RDH11: variants seen among roughly 807,000 people sequenced by gnomAD.
RDH11 encodes the protein retinol dehydrogenase 11.
RDH11 carries 19 observed loss-of-function variants against 33.4 expected under a neutral mutation model. The ratio of observed to expected loss-of-function variants is 0.57; its 90% CI spans 0.40 to 0.83. RDH11 has a LOEUF of 0.83. RDH11 is among the 40% of genes least tolerant of loss of function. RDH11 has a pLI of 0.00. For missense variants in RDH11, 353 were observed against 389.0 expected, an observed-to-expected ratio of 0.91 and a Z score of 0.78; for synonymous variants, 154 against 155.3, an observed-to-expected ratio of 0.99 and a Z score of 0.06.
intron 6 of RDH11, among the ~76,000 whole-genome samples, chr14:67,683,177 G>C (rs2037635460): frequency 6.6e-6 from 1 of 152,158 alleles, no homozygotes; most frequent in South Asian, 2.1e-4. Flanking sequence ...AATGAATTAA[G>C]AATCCATAGC....
At position 67,695,650 on chromosome 14, in the gene RDH11, A is replaced by G. The variant is rs1566832377; in HGVS notation, c.54T>C (p.Tyr18=). 6.2e-7 allele frequency: 1 copy of G among 1,614,196 alleles called. No homozygotes were observed. Among genetic ancestry groups the G allele is most frequent in the East Asian group, 2.2e-5 (1 of 44,880 alleles). ...CAGACCTGATTTGGGGCGCAGCCAT[A>G]TACAGAAGGAAGGGCAGAAGGAGGA... The part of the protein sequence containing the change: ...LLLLLLPFLL[Y]MAAPQIRKML... The change falls in exon 1 of 7, where the codon TAT becomes TAC. Residue 18 remains tyrosine (Y), a synonymous_variant. Coordinates refer to ENST00000381346, the MANE Select transcript of RDH11 (RefSeq NM_016026.4).
At chr14:67,680,619 T>A (rs1400031095) in intron 6 of RDH11, among the ~76,000 whole-genome samples, 1 of 152,092 alleles carries the variant, frequency 6.6e-6, no homozygotes, top group African/African-American at 2.4e-5. Flanking sequence ...CCACCACGCC[T>A]GGCTAATTTT....
intron 6 of RDH11, among the ~76,000 whole-genome samples, chr14:67,679,752 T>A (rs2037589598): frequency 1.3e-5 from 2 of 152,216 alleles, no homozygotes; most frequent in African/African-American, 4.8e-5. Flanking sequence ...GAAAATTTTC[T>A]TAAGGACAAT....
chr14:67,687,255 C>T (rs2037689284), intron 5 of RDH11, among the ~76,000 whole-genome samples: 1 of 152,142 alleles, frequency 6.6e-6, no homozygotes, highest in African/African-American at 2.4e-5. Flanking sequence ...TTAATTTTAA[C>T]CGTTTCCCAT....
At chr14:67,687,984 G>A (rs774157297) in intron 5 of RDH11, among the ~76,000 whole-genome samples, 3 of 151,884 alleles carry the variant, frequency 2.0e-5, no homozygotes, top group Non-Finnish European at 4.4e-5. Flanking sequence ...AGTTGGCCAG[G>A]ATGTTCTCGA....
intron 5 of RDH11, among the ~76,000 whole-genome samples, chr14:67,688,867 A>C (rs2037713580): frequency 5.3e-5 from 8 of 152,128 alleles, no homozygotes; most frequent in Admixed American, 5.2e-4. Context: ...AAGAGACTAT[A>C]CCTATCTTGT....
chr14:67,690,155 G>A, intron 5 of RDH11, 57 bp downstream of exon 5: 1 of 1,494,254 alleles, frequency 6.7e-7, no homozygotes, highest in South Asian at 1.1e-5. Context: ...CCATTCCTGT[G>A]GCTTTTACCT....
rs1433567339 is a variant in RDH11 at position 67,695,584 on chromosome 14, C to T, written c.74+46G>A. Reference sequence around the variant, plus strand: ...GTGGGGATTCTATGTTTCCCTCCCGCCCCGCAACAAGAATTCTCAAGAGAA... The same window carrying T: ...GTGGGGATTCTATGTTTCCCTCCCGTCCCGCAACAAGAATTCTCAAGAGAA... On this transcript the variant is annotated intron_variant, in intron 1 of 6. Transcript: ENST00000381346. 3.2e-6 allele frequency: 5 copies of T among 1,563,410 alleles called. 1 individual carries two copies. In the Admixed American group the frequency reaches 5.3e-5, roughly 16 times the overall value.
Position 67,682,173 on chromosome 14 carries a change from T to C in RDH11, c.854+2842A>G, listed in dbSNP as rs574678467. Among the ~76,000 whole-genome samples, 3 of 152,308 alleles carry C rather than the reference T, an allele frequency of 2.0e-5. No homozygotes were observed. The South Asian group carries it at 6.2e-4, about 32-fold the overall frequency. On this transcript the variant is annotated intron_variant, in intron 6 of 6. Coordinates refer to ENST00000381346, the MANE Select transcript of RDH11 (RefSeq NM_016026.4). ...TTCTGTTTAGTAACAGAAAACTGTC[T>C]TTACTAAAGACAGTAGTAAATCTTT...
intron 6 of RDH11, chr14:67,684,803 C>G (rs554785838): frequency 8.2e-4 from 327 of 397,404 alleles, no homozygotes; most frequent in Middle Eastern, 2.0e-3. Flanking sequence ...AAACAGAATG[C>G]ATAATTATCA....
intron 6 of RDH11, among the ~76,000 whole-genome samples, chr14:67,681,923 A>C (rs1170670062): frequency 2.0e-5 from 3 of 152,178 alleles, no homozygotes; most frequent in African/African-American, 7.2e-5. Flanking sequence ...CTCTGCCTTC[A>C]TGAACAGATT....
At chr14:67,678,887 T>C (rs1594846616) in intron 6 of RDH11, among the ~76,000 whole-genome samples, 1 of 151,252 alleles carries the variant, frequency 6.6e-6, no homozygotes, top group East Asian at 1.9e-4. Context: ...AGTTATACTG[T>C]TAGTAAACTC....
At chr14:67,678,949 G>A (rs1299177680) in intron 6 of RDH11, among the ~76,000 whole-genome samples, 7 of 152,204 alleles carry the variant, frequency 4.6e-5, no homozygotes, top group Admixed American at 4.6e-4. Flanking sequence ...AGGCGACACA[G>A]AAAAGAAATG....
Position 67,692,945 on chromosome 14 carries a change from A to T in RDH11, c.182T>A (p.Leu61Gln), listed in dbSNP as rs1289180405. Residue 61 changes from leucine to glutamine, a missense_variant, in exon 2 of 7, where the codon CTG becomes CAG. Physicochemically the swap from Leu to Gln is moderately radical, Grantham distance 113. Coordinates refer to ENST00000381346, the MANE Select transcript of RDH11 (RefSeq NM_016026.4). The stretch of plus-strand genomic sequence containing the variant: ...GGAGGTGAACTTGCCTCTCTGAGCC[A>T]GCTCTTTGGCTGTCTCCTTCCCGAT... ...TGIGKETAKE[L>Q]AQRGARVYLA... The T allele has an allele frequency of 1.2e-6, 2 of 1,612,178 alleles. No individual in the cohort carries two copies. The highest frequency in any genetic ancestry group is 1.7e-6 in the Non-Finnish European group (2 of 1,178,364).
chr14:67,678,231 G>T lies in RDH11; in HGVS notation c.*90C>A. The T allele has an allele frequency of 2.2e-6, 2 of 889,348 alleles. No homozygotes were observed. Among genetic ancestry groups the T allele is most frequent in the Non-Finnish European group, 3.7e-6 (2 of 541,428 alleles). The allele number at this position is 889,348 out of a possible 1,614,324, so 55.1% of individuals were successfully genotyped here. A position where few individuals can be genotyped will look rare whatever the true frequency, so the allele number is the denominator to read the frequency against. On this transcript the variant is annotated 3_prime_UTR_variant, in exon 7 of 7. Coordinates refer to ENST00000381346, the MANE Select transcript of RDH11 (RefSeq NM_016026.4). ...AAGGTTTTGCTCTCTTTGTGCTAAA[G>T]GTTTTGAAAACCTTGAAGGAGAATC...
In RDH11 at chr14:67,695,710, C is replaced by G. The variant is rs1312597044; in HGVS notation, c.-7G>C. The G allele has an allele frequency of 1.9e-6, 3 of 1,613,896 alleles. No individual in the cohort carries two copies. The highest frequency in any genetic ancestry group is 2.5e-6 in the Non-Finnish European group (3 of 1,179,892). On this transcript the variant is annotated 5_prime_UTR_variant, in exon 1 of 7. Transcript: ENST00000381346. ...GGAACATGAGCTCAACCATCTCTGC[C>G]GGCTGCAGCGGCACCAGAGCGGGAT...
intron 6 of RDH11, among the ~76,000 whole-genome samples, chr14:67,682,426 C>A (rs571939082): frequency 2.7e-4 from 41 of 152,204 alleles, no homozygotes; most frequent in Admixed American, 8.5e-4. Context: ...AGACAATTAT[C>A]CAACTTAAAA....
chr14:67,692,378 G>A, intron 3 of RDH11, 60 bp downstream of exon 3: 1 of 1,570,328 alleles, frequency 6.4e-7, no homozygotes, highest in Non-Finnish European at 8.7e-7. Context: ...TTTCCTTTTA[G>A]TTGAATCTGC....
intron 5 of RDH11, among the ~76,000 whole-genome samples, chr14:67,689,020 T>G (rs1027757587): frequency 2.6e-5 from 4 of 152,204 alleles, no homozygotes; most frequent in African/African-American, 9.7e-5. Context: ...CACTGAATCC[T>G]CACAACTATC....
Sources: allele counts gnomAD v4.1 joint callset (sites outside exome capture counted in the v4.1 genomes callset), GRCh38; gene constraint gnomAD v4.1.1; transcripts MANE v1.5; gene names NCBI Gene and HGNC (gene_info 2026-07-23, HGNC 2026-07-21).